DOCK1: variants seen among roughly 807,000 people sequenced by gnomAD.
DOCK1 encodes dedicator of cytokinesis 1.
Under a neutral mutation model 262.7 loss-of-function variants are expected in DOCK1, and 138 were observed. The ratio of observed to expected loss-of-function variants is 0.53; its 90% CI spans 0.46 to 0.61. The LOEUF (loss-of-function observed/expected upper bound fraction) is 0.61, where lower values mean the gene tolerates loss of function less well. Among genes scored for constraint, DOCK1 ranks in the 20% least tolerant of loss-of-function variants. The probability of loss-of-function intolerance (pLI) is 0.00; values close to 1 mark genes in which losing one functional copy is unlikely to be tolerated. For synonymous variants in DOCK1, 866 were observed against 867.4 expected (o/e 1.00, Z 0.03); for missense variants, 1,908 against 2,370.7 (o/e 0.80, Z 4.05).
chr10:126,967,245 C>T (rs932206699), intron 1 of DOCK1, among the ~76,000 whole-genome samples: 49 of 152,300 alleles, frequency 3.2e-4, no homozygotes, highest in African/African-American at 1.0e-3. Context: ...GACAAGAAGT[C>T]GTTGCCCTCA....
At chr10:126,949,392 C>T (rs1027468644) in intron 1 of DOCK1, among the ~76,000 whole-genome samples, 12 of 152,128 alleles carry the variant, frequency 7.9e-5, no homozygotes, top group Non-Finnish European at 1.8e-4. Flanking sequence ...TCCCACGTGT[C>T]CCTTCAGCCC....
At position 127,392,104 on chromosome 10, in the gene DOCK1, G is replaced by C. The variant is rs528299162; in HGVS notation, c.3927+7195G>C. ...CCATGGTCTGCCCCGGCGTGGACCGGCTGCTTCTTGCTGCTGTCTCGTGTG... is the reference window on the plus strand; with the variant it reads ...CCATGGTCTGCCCCGGCGTGGACCGCCTGCTTCTTGCTGCTGTCTCGTGTG... On this transcript the variant is annotated intron_variant, in intron 38 of 51. Transcript: ENST00000623213. 5.9e-5 allele frequency among the ~76,000 whole-genome samples: 9 copies of C among 151,566 alleles called. No individual in the cohort carries two copies. In the East Asian group the frequency reaches 1.6e-3, roughly 26 times the overall value.
intron 25 of DOCK1, among the ~76,000 whole-genome samples, chr10:127,118,407 T>C (rs2049322582): frequency 6.6e-6 from 1 of 152,230 alleles, no homozygotes; most frequent in African/African-American, 2.4e-5. Flanking sequence ...TTCTTCCCTC[T>C]GACAACTTGT....
rs1243900750 is a variant in DOCK1 at position 127,257,409 on chromosome 10, C to G, written c.3024C>G (p.Ile1008Met). ...GKNVYPFDWV[I>M]MNMVQNKVFL... ...ACGTTTACCCCTTCGACTGGGTGAT[C>G]ATGAACATGGTGCAAAATAAGTAAG... is the stretch of plus-strand genomic sequence containing the variant. The change falls in exon 29 of 52, where the codon ATC becomes ATG. Residue 1008 changes from isoleucine (I) to methionine (M), a missense_variant. Ile to Met is a conservative substitution (Grantham distance 10). Coordinates refer to ENST00000623213, the MANE Select transcript of DOCK1 (RefSeq NM_001290223.2). The G allele has an allele frequency of 1.2e-6, 2 of 1,605,880 alleles. No homozygotes were observed. Among genetic ancestry groups the G allele is most frequent in the Non-Finnish European group, 1.7e-6 (2 of 1,175,770 alleles).
intron 23 of DOCK1, among the ~76,000 whole-genome samples, chr10:127,093,253 T>TCTTC (rs1413349857): frequency 7.8e-6 from 1 of 127,804 alleles, no homozygotes; most frequent in Non-Finnish European, 1.6e-5. Flanking sequence ...TTTTTTTTTT[T>TCTTC]TTTTTTTTTG....
intron 27 of DOCK1, among the ~76,000 whole-genome samples, chr10:127,152,384 G>T (rs1454930958): frequency 2.0e-5 from 3 of 152,242 alleles, no homozygotes; most frequent in Non-Finnish European, 2.9e-5. Flanking sequence ...GAAAAGACCT[G>T]CATGGATGCC....
At chr10:126,953,644 A>G (rs944199148) in intron 1 of DOCK1, among the ~76,000 whole-genome samples, 9 of 152,102 alleles carry the variant, frequency 5.9e-5, no homozygotes, top group African/African-American at 9.7e-5. Flanking sequence ...CCTTCGTGGC[A>G]TAGGCCTCCT....
intron 1 of DOCK1, among the ~76,000 whole-genome samples, chr10:126,922,940 A>G (rs1218989292): frequency 6.6e-6 from 1 of 152,072 alleles, no homozygotes; most frequent in African/African-American, 2.4e-5. Flanking sequence ...GAGAAACCCC[A>G]TCTCTACTAA....
At chr10:127,000,411 T>C (rs2040502487) in intron 10 of DOCK1, 104 bp downstream of exon 10, 1 of 1,436,246 alleles carries the variant, frequency 7.0e-7, no homozygotes, top group Non-Finnish European at 9.3e-7. Context: ...CTGTGATTTA[T>C]AAGCTTTTCT....
At chr10:127,379,376 C>G (rs2065704135) in intron 35 of DOCK1, among the ~76,000 whole-genome samples, 1 of 152,084 alleles carries the variant, frequency 6.6e-6, no homozygotes, top group Non-Finnish European at 1.5e-5. Flanking sequence ...CAGAGGCAGC[C>G]CTCTTTTTTT....
intron 29 of DOCK1, among the ~76,000 whole-genome samples, chr10:127,323,121 G>GGT (rs1420411848): frequency 6.6e-6 from 1 of 152,124 alleles, no homozygotes; most frequent in Non-Finnish European, 1.5e-5. Context: ...CCTCCCCTGT[G>GGT]GTGCATCTGG....
chr10:127,036,965 G>T (rs549519396), intron 18 of DOCK1, among the ~76,000 whole-genome samples: 1 of 120,918 alleles, frequency 8.3e-6, no homozygotes, highest in Non-Finnish European at 1.6e-5. Context: ...CAGCAAGAGC[G>T]AAACGCCATC....
chr10:127,410,667 C>G (rs1167072308), intron 42 of DOCK1, among the ~76,000 whole-genome samples, 173 bp from the exon 43 acceptor site: 3 of 152,208 alleles, frequency 2.0e-5, no homozygotes, highest in African/African-American at 7.2e-5. Flanking sequence ...GTTAATTTTT[C>G]CACCTGCCAA....
intron 1 of DOCK1, among the ~76,000 whole-genome samples, chr10:126,920,571 C>T (rs970842087): frequency 1.3e-5 from 2 of 152,172 alleles, no homozygotes; most frequent in African/African-American, 4.8e-5. Flanking sequence ...AATATATATG[C>T]TAAAGTACTT....
intron 29 of DOCK1, among the ~76,000 whole-genome samples, chr10:127,289,704 G>GT (rs2061284622): frequency 1.3e-5 from 2 of 152,034 alleles, no homozygotes; most frequent in African/African-American, 4.8e-5. Context: ...CTCAATGTAT[G>GT]TTTTTTGGTT....
intron 27 of DOCK1, among the ~76,000 whole-genome samples, chr10:127,131,526 T>TATGC (rs1487999827): frequency 6.6e-6 from 1 of 152,226 alleles, no homozygotes; most frequent in Admixed American, 6.5e-5. Flanking sequence ...TCGAGTTGTT[T>TATGC]AGTGGGACCT....
At chr10:127,140,664 C>T (rs915507889) in intron 27 of DOCK1, among the ~76,000 whole-genome samples, 1 of 138,038 alleles carries the variant, frequency 7.2e-6, no homozygotes, top group African/African-American at 3.6e-5. Flanking sequence ...TTTGACACAC[C>T]GAGTCTCTGG....
At chr10:127,036,043 T>TAAATAAATAACTAAAA (rs1554870785) in intron 18 of DOCK1, among the ~76,000 whole-genome samples, 1 of 147,562 alleles carries the variant, frequency 6.8e-6, no homozygotes, top group Admixed American at 6.8e-5. Flanking sequence ...AATAAATAAA[T>TAAATAAATAACTAAAA]AAAAAAGAGT....
chr10:127,361,251 C>T (rs1230607863), intron 32 of DOCK1, among the ~76,000 whole-genome samples: 2 of 151,426 alleles, frequency 1.3e-5, no homozygotes, highest in Non-Finnish European at 2.9e-5. Flanking sequence ...GTAGCTGGGA[C>T]TACAGGCGCC....
Sources: gnomAD v4.1 joint callset for allele counts (sites outside exome capture counted in the v4.1 genomes callset) on GRCh38, gnomAD v4.1.1 for gene constraint, MANE v1.5 for transcripts, NCBI Gene and HGNC (gene_info 2026-07-23, HGNC 2026-07-21) for gene names.